ME2: variants seen among roughly 807,000 people sequenced by gnomAD.
ME2 encodes the protein malic enzyme 2.
In ME2, 60 loss-of-function variants were observed where a neutral mutation model predicts 73.7. The observed-to-expected ratio is 0.81, with a 90% CI of 0.66 to 1.01. The LOEUF (loss-of-function observed/expected upper bound fraction) is 1.01, where lower values mean the gene tolerates loss of function less well. ME2 is among the 50% of genes least tolerant of loss of function. The pLI is 0.00. For missense variants in ME2, 594 were observed against 705.5 expected (o/e 0.84, Z 1.79); for synonymous variants, 199 against 236.9 (o/e 0.84, Z 1.47).
intron 4 of ME2, 114 bp downstream of exon 4, chr18:50,913,064 C>A: frequency 2.2e-6 from 2 of 919,022 alleles, no homozygotes; most frequent in Non-Finnish European, 3.2e-6. Flanking sequence ...CATTTCCCAC[C>A]TCAGAAAAAC....
At chr18:50,904,707 T>G (rs897987731) in intron 2 of ME2, among the ~76,000 whole-genome samples, 1 of 152,146 alleles carries the variant, frequency 6.6e-6, no homozygotes, top group Non-Finnish European at 1.5e-5. Context: ...CATGAGCCAC[T>G]GCGCCTGGCC....
chr18:50,943,164 A>T (rs1006176579), intron 15 of ME2, among the ~76,000 whole-genome samples: 1 of 152,134 alleles, frequency 6.6e-6, no homozygotes, highest in African/African-American at 2.4e-5. Flanking sequence ...TTTTTAAAAG[A>T]AGTAGTCTTC....
At chr18:50,940,439 C>T in intron 15 of ME2, 53 bp downstream of exon 15, 3 of 1,157,224 alleles carry the variant, frequency 2.6e-6, no homozygotes, top group Non-Finnish European at 3.8e-6. Flanking sequence ...TTTTCTTATA[C>T]AAGAAATACA....
At chr18:50,904,605 A>T (rs920171540) in intron 2 of ME2, among the ~76,000 whole-genome samples, 2 of 151,880 alleles carry the variant, frequency 1.3e-5, no homozygotes, top group Admixed American at 1.3e-4. Context: ...TTTAGTAGAG[A>T]TGAAGTTTCT....
rs1918277122 is a variant in ME2, at chr18:50,954,214, G to A, written c.*7030G>A. The A allele has an allele frequency of 6.6e-6, 1 of 152,190 alleles. No individual in the cohort carries two copies. The highest frequency in any genetic ancestry group is 1.5e-5 in the Non-Finnish European group (1 of 68,038). The allele number at this position is 152,190 out of a possible 1,614,324, so 9.4% of individuals were successfully genotyped here. ...CTGTTGTGATATGTTGTAATGAGATGTGTGTTCTTATATTTTCTTAGTAAA... is the reference window on the plus strand; with the variant it reads ...CTGTTGTGATATGTTGTAATGAGATATGTGTTCTTATATTTTCTTAGTAAA... On this transcript the variant is annotated 3_prime_UTR_variant, in exon 16 of 16. Coordinates refer to ENST00000321341, the MANE Select transcript of ME2 (RefSeq NM_002396.5).
chr18:50,917,305 C>G, intron 5 of ME2, 42 bp from the exon 6 acceptor site: 1 of 1,532,428 alleles, frequency 6.5e-7, no homozygotes. Context: ...CTTTAGTGCC[C>G]CATTTTTGAC....
At chr18:50,928,099 T>C (rs1367222959) in intron 12 of ME2, among the ~76,000 whole-genome samples, 2 of 151,828 alleles carry the variant, frequency 1.3e-5, no homozygotes, top group Non-Finnish European at 2.9e-5. Context: ...ATTACAGACA[T>C]GAGCCACTGT....
At chr18:50,884,884 C>T (rs564186123) in intron 1 of ME2, among the ~76,000 whole-genome samples, 7 of 152,116 alleles carry the variant, frequency 4.6e-5, no homozygotes, top group African/African-American at 1.2e-4. Flanking sequence ...AACGGAGTTT[C>T]GCTCTTGTTG....
At chr18:50,884,699 AT>A (rs1167414542) in intron 1 of ME2, among the ~76,000 whole-genome samples, 2 of 152,074 alleles carry the variant, frequency 1.3e-5, no homozygotes, top group Non-Finnish European at 2.9e-5. Flanking sequence ...AAAATAGAAG[AT>A]TTCGTATATC....
At chr18:50,897,012 C>T (rs760398520) in intron 2 of ME2, among the ~76,000 whole-genome samples, 2 of 152,200 alleles carry the variant, frequency 1.3e-5, no homozygotes, top group Non-Finnish European at 2.9e-5. Context: ...TCCAGTTCTC[C>T]TGTAGAACCT....
intron 12 of ME2, 107 bp downstream of exon 12, chr18:50,926,005 A>G: frequency 1.3e-6 from 1 of 776,208 alleles, no homozygotes; most frequent in Non-Finnish European, 2.1e-6. Flanking sequence ...AGATTACAGC[A>G]TGCATCTATG....
chr18:50,903,370 T>C (rs901091170), intron 2 of ME2, among the ~76,000 whole-genome samples: 2 of 152,182 alleles, frequency 1.3e-5, no homozygotes, highest in African/African-American at 4.8e-5. Flanking sequence ...CACTTTTGAG[T>C]GTCCCTTAAA....
intron 6 of ME2, 108 bp downstream of exon 6, chr18:50,917,616 GA>G (rs1917315827): frequency 2.7e-6 from 2 of 738,426 alleles, no homozygotes; most frequent in Admixed American, 3.4e-5. Flanking sequence ...TTTATGATTA[GA>G]TTTTTTTTTC....
chr18:50,942,045 AATT>A (rs1282212667), intron 15 of ME2, among the ~76,000 whole-genome samples: 3 of 151,702 alleles, frequency 2.0e-5, no homozygotes, highest in African/African-American at 7.3e-5. Flanking sequence ...TTTTTTATGG[AATT>A]ATTTGTTTAT....
chr18:50,900,249 G>A (rs549662021), intron 2 of ME2, among the ~76,000 whole-genome samples: 40 of 149,724 alleles, frequency 2.7e-4, no homozygotes, highest in Non-Finnish European at 4.6e-4. Context: ...GGGGGAGGAA[G>A]AAGGAAAAAA....
chr18:50,941,757 A>G (rs556949017), intron 15 of ME2, among the ~76,000 whole-genome samples: 2 of 150,836 alleles, frequency 1.3e-5, no homozygotes, highest in Admixed American at 1.3e-4. Flanking sequence ...TCTGATGCAT[A>G]TTGTCAAATG....
At chr18:50,911,527 C>T (rs1381397499) in intron 3 of ME2, among the ~76,000 whole-genome samples, 1 of 152,082 alleles carries the variant, frequency 6.6e-6, no homozygotes, top group East Asian at 1.9e-4. Context: ...AGTAGGCTAT[C>T]ATGGGACCTG....
Position 50,900,085 on chromosome 18 carries a change from A to G in ME2, c.108+4157A>G, listed in dbSNP as rs1316252138. On this transcript the variant is annotated intron_variant, in intron 2 of 15. Coordinates refer to ENST00000321341, the MANE Select transcript of ME2 (RefSeq NM_002396.5). ...ACCCCTATTCACACCTCTTTTCCCC[A>G]TGTACTGATTTATGTGTTTTCTTAT... Among the ~76,000 whole-genome samples the G allele has an allele frequency of 3.3e-5, 5 of 152,110 alleles. No individual in the cohort carries two copies. In the East Asian group the frequency reaches 9.7e-4, roughly 29 times the overall value.
chr18:50,879,740 G>T (rs1450562883), intron 1 of ME2, among the ~76,000 whole-genome samples: 1 of 152,258 alleles, frequency 6.6e-6, no homozygotes, highest in East Asian at 1.9e-4. Context: ...CGAGTTAACG[G>T]CAGGAGTTAG....
Sources: allele counts gnomAD v4.1 joint callset (sites outside exome capture counted in the v4.1 genomes callset), GRCh38; gene constraint gnomAD v4.1.1; transcripts MANE v1.5; gene names NCBI Gene and HGNC (gene_info 2026-07-23, HGNC 2026-07-21).